Variants in RCBTB2 observed in about 807,000 individuals in gnomAD.
The protein encoded by RCBTB2 is RCC1 and BTB domain containing protein 2.
In RCBTB2, 55 loss-of-function variants were observed where a neutral mutation model predicts 65.4. That is an observed-to-expected ratio of 0.84 (90% CI 0.68 to 1.05). The LOEUF (loss-of-function observed/expected upper bound fraction) is 1.05, where lower values mean the gene tolerates loss of function less well. RCBTB2 is among the 50% of genes least tolerant of loss of function. The probability of loss-of-function intolerance (pLI) is 0.00; values close to 1 mark genes in which losing one functional copy is unlikely to be tolerated. For synonymous variants in RCBTB2, 220 were observed against 255.2 expected, an observed-to-expected ratio of 0.86 and a Z score of 1.31; for missense variants, 599 against 680.1, an observed-to-expected ratio of 0.88 and a Z score of 1.33.
intron 13 of RCBTB2, among the ~76,000 whole-genome samples, chr13:48,498,409 A>G (rs1325044120): frequency 6.6e-6 from 1 of 152,198 alleles, no homozygotes; most frequent in Non-Finnish European, 1.5e-5. Context: ...CTACAGCCCC[A>G]CAAATGTTAG....
chr13:48,511,273 T>C (rs1325534332), intron 9 of RCBTB2, among the ~76,000 whole-genome samples: 1 of 152,190 alleles, frequency 6.6e-6, no homozygotes, highest in Non-Finnish European at 1.5e-5. Flanking sequence ...CATAGCAGTT[T>C]TCCATGTCAT....
intron 14 of RCBTB2, among the ~76,000 whole-genome samples, chr13:48,490,559 T>C (rs1322034999): frequency 1.3e-5 from 2 of 152,254 alleles, no homozygotes; most frequent in African/African-American, 2.4e-5. Context: ...TACCTTTGTC[T>C]AGTGACAGTA....
At chr13:48,505,113 G>A (rs920529003) in intron 10 of RCBTB2, among the ~76,000 whole-genome samples, 3 of 148,082 alleles carry the variant, frequency 2.0e-5, no homozygotes, top group South Asian at 2.1e-4. Flanking sequence ...TTGAATCCTC[G>A]CTCTACCACT....
At chr13:48,502,964 A>G in intron 10 of RCBTB2, 50 bp from the exon 11 acceptor site, 1 of 1,481,684 alleles carries the variant, frequency 6.7e-7, no homozygotes. Context: ...GGGCAGAAAC[A>G]AGTTGGGTCC....
intron 10 of RCBTB2, among the ~76,000 whole-genome samples, chr13:48,505,475 C>T (rs1216231089): frequency 3.9e-5 from 6 of 152,104 alleles, no homozygotes; most frequent in Non-Finnish European, 8.8e-5. Flanking sequence ...CCGTGCCAGA[C>T]GGGGAAAATG....
chr13:48,500,863 TAGAG>T (rs1566269847), intron 12 of RCBTB2, among the ~76,000 whole-genome samples: 1 of 152,144 alleles, frequency 6.6e-6, no homozygotes, highest in African/African-American at 2.4e-5. Context: ...TGATGTGATA[TAGAG>T]AGAGTGAGCA....
chr13:48,527,391 T>TATATCATATATATATATGA (rs1951863053), intron 1 of RCBTB2, among the ~76,000 whole-genome samples: 1 of 125,724 alleles, frequency 8.0e-6, no homozygotes, highest in East Asian at 2.3e-4. Context: ...TGATATATAT[T>TATATCATATATATATATGA]TATATTAAAA....
At chr13:48,511,995 G>A (rs774081234) in intron 8 of RCBTB2, 21 bp downstream of exon 8, 6 of 1,610,338 alleles carry the variant, frequency 3.7e-6, no homozygotes, top group African/African-American at 2.7e-5. Flanking sequence ...TTTTAAACAA[G>A]ATGTAAAATA....
At chr13:48,516,797 G>A (rs1305715217) in intron 4 of RCBTB2, among the ~76,000 whole-genome samples, 1 of 152,168 alleles carries the variant, frequency 6.6e-6, no homozygotes, top group East Asian at 1.9e-4. Context: ...GTTTGAAAGA[G>A]TTTTACCTAT....
At chr13:48,499,488 GT>G (rs1950135819) in intron 13 of RCBTB2, 132 bp downstream of exon 13, 4 of 898,012 alleles carry the variant, frequency 4.5e-6, no homozygotes, top group Non-Finnish European at 3.4e-6. Context: ...AGGGAAACGT[GT>G]TTGGATTCAA....
intron 10 of RCBTB2, among the ~76,000 whole-genome samples, chr13:48,509,097 G>A (rs535957052): frequency 5.3e-5 from 8 of 152,142 alleles, no homozygotes; most frequent in Non-Finnish European, 7.4e-5. Context: ...TTGGGAGACC[G>A]AGATAAGAGG....
At chr13:48,498,186 G>C (rs967947105) in intron 13 of RCBTB2, among the ~76,000 whole-genome samples, 1 of 152,178 alleles carries the variant, frequency 6.6e-6, no homozygotes, top group African/African-American at 2.4e-5. Context: ...GCTGGAGGAG[G>C]GGTCTGTCCT....
chr13:48,513,277 C>A (rs1555305400), intron 6 of RCBTB2, among the ~76,000 whole-genome samples: 2 of 152,036 alleles, frequency 1.3e-5, no homozygotes, highest in Non-Finnish European at 2.9e-5. Flanking sequence ...TTTTAAAAAT[C>A]TTTGTTATTA....
At chr13:48,530,964 C>A (rs568366938) in intron 1 of RCBTB2, among the ~76,000 whole-genome samples, 58 of 152,328 alleles carry the variant, frequency 3.8e-4, no homozygotes, top group African/African-American at 1.4e-3. Flanking sequence ...AAACCCAGTT[C>A]CCCATGTTAA....
At chr13:48,490,419 G>C (rs1236280471) in intron 14 of RCBTB2, among the ~76,000 whole-genome samples, 168 bp from the exon 15 acceptor site, 1 of 152,228 alleles carries the variant, frequency 6.6e-6, no homozygotes, top group Non-Finnish European at 1.5e-5. Context: ...AGTATAACAA[G>C]TATGAATCAT....
chr13:48,521,792 T>G (rs750307766), intron 4 of RCBTB2, 106 bp downstream of exon 4: 3 of 1,007,756 alleles, frequency 3.0e-6, no homozygotes, highest in Non-Finnish European at 4.6e-6. Flanking sequence ...CCCTCAAAGA[T>G]AGATAGTATC....
In RCBTB2 at chr13:48,510,621, C is replaced by T. The variant is rs201108130; in HGVS notation, c.926+8G>A. 63 of 1,613,302 alleles carry T rather than the reference C, an allele frequency of 3.9e-5. No homozygotes were observed. Among genetic ancestry groups the T allele is most frequent in the Middle Eastern group, 1.7e-4 (1 of 5,886 alleles). On this transcript the variant is annotated splice_region_variant and intron_variant, in intron 10 of 14. Coordinates refer to ENST00000344532, the MANE Select transcript of RCBTB2 (RefSeq NM_001268.4). Reference sequence around the variant, plus strand: ...CCAGTGTGGGGACTGTGAAAATGCCCGTGTTACCTGTCCTTTTCCACAGTG... The same window carrying T: ...CCAGTGTGGGGACTGTGAAAATGCCTGTGTTACCTGTCCTTTTCCACAGTG...
chr13:48,497,434 AG>A (rs2138428173), intron 13 of RCBTB2, among the ~76,000 whole-genome samples: 1 of 152,382 alleles, frequency 6.6e-6, no homozygotes, highest in African/African-American at 2.4e-5. Flanking sequence ...AAGGAATGAT[AG>A]GAAGTACTCT....
Position 48,489,689 on chromosome 13 carries a change from A to G in RCBTB2, c.*422T>C, listed in dbSNP as rs1220757509. ...AAGATTTATAATAAATTGAGTGCCT[A>G]TTATACACAAGGCACTGTGCTGAGT... On this transcript the variant is annotated 3_prime_UTR_variant, in exon 15 of 15. Coordinates refer to ENST00000344532, the MANE Select transcript of RCBTB2 (RefSeq NM_001268.4). 1.2e-5 allele frequency: 2 copies of G among 168,314 alleles called. No individual in the cohort carries two copies. The highest frequency in any genetic ancestry group is 6.1e-5 in the Admixed American group (1 of 16,278). 10.4% of individuals were successfully genotyped at this position (168,314 alleles called of 1,614,324 possible). A position where few individuals can be genotyped will look rare whatever the true frequency, so the allele number is the denominator to read the frequency against.
Sources: gnomAD v4.1 joint callset for allele counts (sites outside exome capture counted in the v4.1 genomes callset) on GRCh38, gnomAD v4.1.1 for gene constraint, MANE v1.5 for transcripts, NCBI Gene and HGNC (gene_info 2026-07-23, HGNC 2026-07-21) for gene names.